The following GLS variants were observed in gnomAD, a reference collection of about 807,000 sequenced individuals.
GLS encodes the protein glutaminase.
In GLS, 36 loss-of-function variants were observed where a neutral mutation model predicts 86.7. The ratio of observed to expected loss-of-function variants is 0.42; its 90% CI spans 0.32 to 0.55. GLS has a LOEUF of 0.55. Among genes scored for constraint, GLS ranks in the 20% least tolerant of loss-of-function variants. The pLI, the probability that GLS is intolerant of heterozygous loss-of-function variation, is 0.17. For synonymous variants in GLS, 317 were observed against 305.9 expected (o/e 1.04, Z -0.38); for missense variants, 528 against 833.4 (o/e 0.63, Z 4.51).
intron 1 of GLS, among the ~76,000 whole-genome samples, chr2:190,892,360 T>C (rs1407533200): frequency 2.0e-5 from 3 of 152,172 alleles, no homozygotes; most frequent in Middle Eastern, 3.2e-3. Context: ...CCTATTTGAA[T>C]TGCTGAATAT....
chr2:190,924,378 T>C lies in GLS; in HGVS notation c.1198-165T>C, dbSNP rs1689835179. Among the ~76,000 whole-genome samples the C allele has an allele frequency of 6.6e-6, 1 of 152,240 alleles. No individual in the cohort carries two copies. The highest frequency in any genetic ancestry group is 1.5e-5 in the Non-Finnish European group (1 of 68,038). On this transcript the variant is annotated intron_variant, in intron 10 of 17. Transcript: ENST00000320717. This position sits in a 1 kb window ranked among gnomAD's most constrained non-coding sequence, Gnocchi z 5.2. The stretch of plus-strand genomic sequence containing the variant: ...GTATCTAGAAACTTACATGATGTGA[T>C]AAAATTTTGCTTTTTTATTTCATGT...
intron 7 of GLS, among the ~76,000 whole-genome samples, chr2:190,916,028 T>C (rs563862987): frequency 6.6e-6 from 1 of 152,352 alleles, no homozygotes; most frequent in East Asian, 1.9e-4. Context: ...AATTTCAATC[T>C]ACTTGTCTAT....
rs780929751 is a variant in GLS, at chr2:190,881,485, G to C, written c.386+15G>C. 1 of 1,535,514 alleles carries C rather than the reference G, an allele frequency of 6.5e-7. No individual in the cohort carries two copies. Among genetic ancestry groups the C allele is most frequent in the Non-Finnish European group, 8.8e-7 (1 of 1,139,950 alleles). On this transcript the variant is annotated intron_variant, in intron 1 of 17. Coordinates refer to ENST00000320717, the MANE Select transcript of GLS (RefSeq NM_014905.5). ...TCAGGTGAAAAGTGAGTGTCTCCGC[G>C]AGGCGCAGGAGGCCTCGTTCCTTTC...
In GLS at chr2:190,930,280, A is replaced by G. The variant is rs1015997352; in HGVS notation, c.1426-157A>G. On this transcript the variant is annotated intron_variant, in intron 12 of 17. Coordinates refer to ENST00000320717, the MANE Select transcript of GLS (RefSeq NM_014905.5). The surrounding 1 kb of genome is among the most constrained non-coding windows in gnomAD (Gnocchi z 5.0). The stretch of plus-strand genomic sequence containing the variant: ...CCTGTGTTACCCAGCCTAGCCTCCA[A>G]CTCCTGGGCTCAAGTGATCTGCTTG... Among the ~76,000 whole-genome samples, 2 of 151,428 alleles carry G rather than the reference A, an allele frequency of 1.3e-5. No individual in the cohort carries two copies. Among genetic ancestry groups the G allele is most frequent in the Non-Finnish European group, 2.9e-5 (2 of 67,852 alleles).
At chr2:190,912,077 G>A (rs1467253280) in intron 7 of GLS, among the ~76,000 whole-genome samples, 3 of 152,044 alleles carry the variant, frequency 2.0e-5, no homozygotes, top group Non-Finnish European at 2.9e-5. Flanking sequence ...GCCATGTTTA[G>A]TCATGAGTCA....
intron 14 of GLS, among the ~76,000 whole-genome samples, chr2:190,945,828 T>A (rs1690564954): frequency 6.6e-6 from 1 of 152,306 alleles, no homozygotes; most frequent in Middle Eastern, 3.4e-3. Flanking sequence ...TAGTAAAATT[T>A]GCTATTTGAT....
chr2:190,915,633 C>T (rs1689508039), intron 7 of GLS, among the ~76,000 whole-genome samples: 1 of 152,194 alleles, frequency 6.6e-6, no homozygotes, highest in Middle Eastern at 3.4e-3. Flanking sequence ...TCTAGATGCG[C>T]CTTTTAAAAA....
At chr2:190,933,322 TA>T in intron 14 of GLS, 1 of 915,828 alleles carries the variant, frequency 1.1e-6, no homozygotes, top group Non-Finnish European at 1.3e-6. Flanking sequence ...AATACAAAAC[TA>T]AAAAGGCAAA....
At chr2:190,937,461 G>A (rs1044039528) in intron 14 of GLS, among the ~76,000 whole-genome samples, 11 of 151,252 alleles carry the variant, frequency 7.3e-5, no homozygotes, top group Admixed American at 1.3e-4. Flanking sequence ...GTGATGTTTC[G>A]TAGAGTTCTT....
Position 190,920,333 on chromosome 2 carries a change from A to C in GLS, c.1039-691A>C, listed in dbSNP as rs964192309. 3 of 152,056 alleles carry C rather than the reference A, an allele frequency of 2.0e-5. No individual in the cohort carries two copies. The highest frequency in any genetic ancestry group is 2.0e-4 in the Admixed American group (3 of 15,262). The allele number at this position is 152,056 out of a possible 1,614,324, so 9.4% of individuals were successfully genotyped here. ...ACATTTGCAGTAGATAACATGTCAG[A>C]AATGAAAGTGATGAAACAATACATC... On this transcript the variant is annotated intron_variant, in intron 7 of 17. Coordinates refer to ENST00000320717, the MANE Select transcript of GLS (RefSeq NM_014905.5). The surrounding 1 kb of genome is among the most constrained non-coding windows in gnomAD (Gnocchi z 4.2).
chr2:190,915,092 G>A (rs186036536), intron 7 of GLS, among the ~76,000 whole-genome samples: 1 of 151,082 alleles, frequency 6.6e-6, no homozygotes, highest in African/African-American at 2.4e-5. Context: ...CCAGGTTCAC[G>A]CCATTCTCCT....
At chr2:190,928,053 GATAC>G (rs1168325322) in intron 12 of GLS, among the ~76,000 whole-genome samples, 56 of 151,648 alleles carry the variant, frequency 3.7e-4, no homozygotes, top group Admixed American at 3.7e-3. Flanking sequence ...GAGAGAGAGA[GATAC>G]ATTTAATGTT....
rs554351571 is a variant in GLS, at chr2:190,895,374, T to C, written c.483+126T>C. 3 of 544,910 alleles carry C rather than the reference T, an allele frequency of 5.5e-6. No homozygotes were observed. The highest frequency in any genetic ancestry group is 5.9e-5 in the East Asian group (2 of 33,902). The allele number at this position is 544,910 out of a possible 1,614,324, so 33.8% of individuals were successfully genotyped here. A position where few individuals can be genotyped will look rare whatever the true frequency, so the allele number is the denominator to read the frequency against. On this transcript the variant is annotated intron_variant, in intron 2 of 17. Coordinates refer to ENST00000320717, the MANE Select transcript of GLS (RefSeq NM_014905.5). This position sits in a 1 kb window ranked among gnomAD's most constrained non-coding sequence, Gnocchi z 4.2. ...ATTCTGACTGACAATATTTCTCTTA[T>C]TATGTTTTCAAATTTTTGTCATGCT...
At chr2:190,894,274 T>G (rs1194457811) in intron 1 of GLS, among the ~76,000 whole-genome samples, 5 of 152,196 alleles carry the variant, frequency 3.3e-5, no homozygotes, top group Non-Finnish European at 7.3e-5. Flanking sequence ...TTAAATCATC[T>G]CTAGATTACT....
Position 190,884,994 on chromosome 2 carries a change from G to A in GLS, c.386+3524G>A, listed in dbSNP as rs16833020. On this transcript the variant is annotated intron_variant, in intron 1 of 17. Transcript: ENST00000320717. ...GATGTTTGCATATCTACATGAAGTC[G>A]TGGCATTCAGAAATATTTGTAATTA... is the stretch of plus-strand genomic sequence containing the variant. Among the ~76,000 whole-genome samples, 448 of 152,230 alleles carry A rather than the reference G, an allele frequency of 2.9e-3. 4 individuals carry two copies. Among genetic ancestry groups the A allele is most frequent in the African/African-American group, 0.01 (435 of 41,526 alleles).
At chr2:190,929,175 T>C (rs1217985199) in intron 12 of GLS, among the ~76,000 whole-genome samples, 1 of 151,528 alleles carries the variant, frequency 6.6e-6, no homozygotes, top group African/African-American at 2.4e-5. Flanking sequence ...TTTTTTTTTA[T>C]CATTTGTCAA....
intron 6 of GLS, among the ~76,000 whole-genome samples, chr2:190,909,975 C>T (rs977680497): frequency 2.8e-4 from 42 of 152,036 alleles, no homozygotes; most frequent in African/African-American, 8.7e-4. Flanking sequence ...GAGGTCAAGG[C>T]TTCAGTGAGC....
chr2:190,940,203 C>G (rs569380232), intron 14 of GLS, among the ~76,000 whole-genome samples: 1 of 151,818 alleles, frequency 6.6e-6, no homozygotes, highest in Admixed American at 6.6e-5. Flanking sequence ...CATCATTGAT[C>G]CAGGTCTATG....
In GLS at chr2:190,892,939, A is replaced by G. The variant is rs75216340; in HGVS notation, c.387-2213A>G. Reference sequence around the variant, plus strand: ...TTTTAATTTTTTTTCACTATGTGCCATAAGCTAAAAAAGTGTATATTTTAC... The same window carrying G: ...TTTTAATTTTTTTTCACTATGTGCCGTAAGCTAAAAAAGTGTATATTTTAC... On this transcript the variant is annotated intron_variant, in intron 1 of 17. Transcript: ENST00000320717. Among the ~76,000 whole-genome samples, 877 of 152,236 alleles carry G rather than the reference A, an allele frequency of 5.8e-3. 20 individuals are homozygous for G. The highest frequency in any genetic ancestry group is 0.053 in the East Asian group (274 of 5,190).
Sources: gnomAD v4.1 joint callset for allele counts (sites outside exome capture counted in the v4.1 genomes callset) on GRCh38, gnomAD v4.1.1 for gene constraint, Gnocchi (gnomAD v3.1) non-coding constraint, MANE v1.5 for transcripts, NCBI Gene and HGNC (gene_info 2026-07-23, HGNC 2026-07-21) for gene names.